The following ZNF407 variants were observed in gnomAD, a reference collection of about 807,000 sequenced individuals.
ZNF407 encodes the protein zinc finger protein 407.
A neutral mutation model predicts 131.2 loss-of-function variants in ZNF407; 17 were observed. That is an observed-to-expected ratio of 0.13 (90% CI 0.09 to 0.19). The LOEUF (loss-of-function observed/expected upper bound fraction) is 0.19, where lower values mean the gene tolerates loss of function less well. Among genes scored for constraint, ZNF407 ranks in the 10% least tolerant of loss-of-function variants. ZNF407 has a pLI of 1.00. For synonymous variants in ZNF407, 1,156 were observed against 1,062.0 expected (o/e 1.09, Z -1.72); for missense variants, 2,681 against 2,830.6 (o/e 0.95, Z 1.20).
At chr18:75,060,216 G>A (rs988571220) in intron 8 of ZNF407, 4 of 152,256 alleles carry the variant, frequency 2.6e-5, no homozygotes, top group Non-Finnish European at 5.9e-5. Flanking sequence ...TTGGTCGGGT[G>A]TAACCATGAG....
intron 4 of ZNF407, among the ~76,000 whole-genome samples, chr18:74,876,818 G>A (rs1971163624): frequency 6.6e-6 from 1 of 152,232 alleles, no homozygotes; most frequent in African/African-American, 2.4e-5. Context: ...CACACCAGCA[G>A]ACAGCAGGGC....
intron 7 of ZNF407, among the ~76,000 whole-genome samples, chr18:74,911,862 T>C (rs1971677297): frequency 6.6e-6 from 1 of 151,986 alleles, no homozygotes; most frequent in African/African-American, 2.4e-5. Context: ...CATAGAGTAG[T>C]GAAGTGGGGA....
chr18:74,746,683 C>T (rs556388609), intron 3 of ZNF407, among the ~76,000 whole-genome samples: 2 of 151,746 alleles, frequency 1.3e-5, no homozygotes, highest in East Asian at 3.9e-4. Context: ...AGTGGAAGGT[C>T]TTCAGGTGCG....
chr18:75,060,040 A>G (rs1973607045), intron 8 of ZNF407: 1 of 152,210 alleles, frequency 6.6e-6, no homozygotes, highest in Non-Finnish European at 1.5e-5. Context: ...TCCTTTGGAA[A>G]GTCTCCAGGC....
intron 3 of ZNF407, among the ~76,000 whole-genome samples, chr18:74,754,008 T>C (rs1211146568): frequency 1.3e-5 from 2 of 152,226 alleles, no homozygotes; most frequent in Non-Finnish European, 2.9e-5. Flanking sequence ...CTATTAATTA[T>C]TGTCTCAATT....
At chr18:74,928,948 A>G (rs1971947837) in intron 8 of ZNF407, among the ~76,000 whole-genome samples, 1 of 152,144 alleles carries the variant, frequency 6.6e-6, no homozygotes, top group African/African-American at 2.4e-5. Context: ...ATCATCCTGA[A>G]AAAAGTATCC....
At chr18:74,995,465 C>T (rs775982336) in intron 8 of ZNF407, among the ~76,000 whole-genome samples, 4 of 152,156 alleles carry the variant, frequency 2.6e-5, no homozygotes, top group Non-Finnish European at 4.4e-5. Flanking sequence ...AAGCATTAGG[C>T]TATCAAAGAA....
chr18:74,885,094 C>T (rs1158576407), intron 6 of ZNF407, among the ~76,000 whole-genome samples: 1 of 152,018 alleles, frequency 6.6e-6, no homozygotes, highest in East Asian at 1.9e-4. Context: ...ATTGCTTGAC[C>T]ACTTAGACTT....
intron 8 of ZNF407, among the ~76,000 whole-genome samples, chr18:74,953,358 G>A (rs912427264): frequency 7.2e-5 from 11 of 152,160 alleles, no homozygotes; most frequent in African/African-American, 2.2e-4. Flanking sequence ...AGCAACCAAC[G>A]CCTTAATGTG....
chr18:74,632,432 C>G lies in ZNF407; in HGVS notation c.1413C>G (p.His471Gln), dbSNP rs571187581. 6.2e-7 allele frequency: 1 copy of G among 1,613,994 alleles called. No homozygotes were observed. ...MKHLRTQMKT[H>Q]DAESVLKHLE... is the part of the protein sequence containing the mutation. ...ACTTGAGAACACAGATGAAAACACA[C>G]GATGCAGAATCAGTGCTGAAACACC... Residue 471 changes from histidine (H) to glutamine (Q), a missense_variant, in exon 2 of 9, where the codon CAC becomes CAG. By Grantham distance (24) the His-to-Gln change is conservative (BLOSUM62 0). Transcript: ENST00000299687.
At chr18:74,878,482 C>T (rs1003519257) in intron 5 of ZNF407, among the ~76,000 whole-genome samples, 2 of 152,186 alleles carry the variant, frequency 1.3e-5, no homozygotes, top group Admixed American at 6.5e-5. Flanking sequence ...TCACTTATAT[C>T]GAACAGCAGA....
intron 7 of ZNF407, among the ~76,000 whole-genome samples, chr18:74,908,339 A>C (rs945852698): frequency 2.6e-5 from 4 of 152,176 alleles, no homozygotes; most frequent in Admixed American, 1.3e-4. Flanking sequence ...TTATGTTAAA[A>C]TTTTTTAATC....
chr18:74,769,162 C>G (rs1326925982), intron 3 of ZNF407, among the ~76,000 whole-genome samples: 1 of 152,174 alleles, frequency 6.6e-6, no homozygotes, highest in Non-Finnish European at 1.5e-5. Flanking sequence ...ATAGGGAAGG[C>G]CCAGATTCAG....
intron 8 of ZNF407, among the ~76,000 whole-genome samples, chr18:75,038,746 G>A (rs1250335647): frequency 1.3e-5 from 2 of 152,154 alleles, no homozygotes; most frequent in Non-Finnish European, 2.9e-5. Context: ...GGAGTTAAAC[G>A]TGTATTTAAA....
At chr18:75,009,470 A>G (rs562431780) in intron 8 of ZNF407, among the ~76,000 whole-genome samples, 1 of 152,358 alleles carries the variant, frequency 6.6e-6, no homozygotes, top group East Asian at 1.9e-4. Flanking sequence ...TAAACCAGGT[A>G]TGAACTTGTG....
chr18:74,844,456 T>A (rs1324699812), intron 4 of ZNF407, among the ~76,000 whole-genome samples: 1 of 152,238 alleles, frequency 6.6e-6, no homozygotes, highest in Non-Finnish European at 1.5e-5. Context: ...GTATTTATGA[T>A]GAATGACTAA....
chr18:74,830,752 A>G (rs1194355036), intron 4 of ZNF407, among the ~76,000 whole-genome samples: 2 of 152,124 alleles, frequency 1.3e-5, no homozygotes, highest in Admixed American at 6.5e-5. Context: ...AACATTTATC[A>G]TTTCTTTGTG....
chr18:74,613,482 C>G (rs1219379240), intron 1 of ZNF407, among the ~76,000 whole-genome samples: 1 of 152,218 alleles, frequency 6.6e-6, no homozygotes, highest in Admixed American at 6.5e-5. Context: ...ACCATGAGAA[C>G]TGTCAAGCAT....
chr18:74,676,626 G>A (rs547345039), intron 3 of ZNF407, among the ~76,000 whole-genome samples: 13 of 151,970 alleles, frequency 8.6e-5, no homozygotes, highest in South Asian at 2.1e-4. Context: ...AGTAGAGACG[G>A]GGTTTCACCG....
Sources: gnomAD v4.1 joint callset for allele counts (sites outside exome capture counted in the v4.1 genomes callset) on GRCh38, gnomAD v4.1.1 for gene constraint, MANE v1.5 for transcripts, NCBI Gene and HGNC (gene_info 2026-07-23, HGNC 2026-07-21) for gene names.